STOX2: variants seen among roughly 807,000 people sequenced by gnomAD.
The protein encoded by STOX2 is storkhead box 2, also known as storkhead-box protein 2.
STOX2 carries 28 observed loss-of-function variants against 60.9 expected under a neutral mutation model. The observed-to-expected ratio is 0.46, with a 90% CI of 0.34 to 0.63. The LOEUF is 0.63. Ranked by LOEUF, STOX2 falls within the 30% of genes least tolerant of loss-of-function variation. The pLI is 0.01. For synonymous variants in STOX2, 472 were observed against 463.9 expected (o/e 1.02, Z -0.22); for missense variants, 1,024 against 1,187.7 (o/e 0.86, Z 2.03).
chr4:183,922,418 C>A (rs2111103380), intron 1 of STOX2, among the ~76,000 whole-genome samples: 1 of 150,704 alleles, frequency 6.6e-6, no homozygotes, highest in South Asian at 2.1e-4. Flanking sequence ...GTGATCTTGG[C>A]TCACTGCAAC....
At chr4:183,975,532 C>A (rs536702764) in intron 1 of STOX2, among the ~76,000 whole-genome samples, 1 of 152,102 alleles carries the variant, frequency 6.6e-6, no homozygotes, top group East Asian at 1.9e-4. Flanking sequence ...TAAGCAAACA[C>A]CATCAAGAGC....
At chr4:183,993,136 G>T (rs1319972996) in intron 1 of STOX2, among the ~76,000 whole-genome samples, 1 of 152,188 alleles carries the variant, frequency 6.6e-6, no homozygotes, top group African/African-American at 2.4e-5. Flanking sequence ...CACGAGGATG[G>T]CCCCTTTCTG....
chr4:183,843,158 A>AAAAAAAAAAAAAG (rs1553967453), intron 1 of STOX2, among the ~76,000 whole-genome samples: 1 of 150,600 alleles, frequency 6.6e-6, no homozygotes, highest in African/African-American at 2.5e-5. Flanking sequence ...AAAAAAAAAA[A>AAAAAAAAAAAAAG]AAAAAGAAAA....
rs1462827892 is a variant in STOX2 at position 184,021,132 on chromosome 4, T to G, written c.*3848T>G. The G allele has an allele frequency of 6.6e-6, 1 of 152,238 alleles. No individual in the cohort carries two copies. Among genetic ancestry groups the G allele is most frequent in the African/African-American group, 2.4e-5 (1 of 41,468 alleles). 9.4% of individuals were successfully genotyped at this position (152,238 alleles called of 1,614,324 possible). A position where few individuals can be genotyped will look rare whatever the true frequency, so the allele number is the denominator to read the frequency against. ...TATAACATGGGCAGTATTTGGAGCT[T>G]CATTTAAAAACCAACAACAACCGAT... On this transcript the variant is annotated 3_prime_UTR_variant, in exon 4 of 4. Transcript: ENST00000308497.
intron 1 of STOX2, among the ~76,000 whole-genome samples, chr4:183,824,508 G>T (rs73010530): frequency 0.027 from 4,052 of 152,136 alleles, 149 homozygotes; most frequent in African/African-American, 0.094. Flanking sequence ...CAGCCACAAA[G>T]ATATTATTGT....
At chr4:183,989,012 T>C (rs1732971128) in intron 1 of STOX2, among the ~76,000 whole-genome samples, 1 of 152,130 alleles carries the variant, frequency 6.6e-6, no homozygotes, top group African/African-American at 2.4e-5. Flanking sequence ...CCAGCCCAGG[T>C]CATCCCAGAG....
At chr4:183,930,515 T>G (rs1251133556) in intron 1 of STOX2, among the ~76,000 whole-genome samples, 1 of 150,330 alleles carries the variant, frequency 6.7e-6, no homozygotes, top group Non-Finnish European at 1.5e-5. Flanking sequence ...TTTTTTTGTT[T>G]TTTGTTTTTT....
intron 1 of STOX2, among the ~76,000 whole-genome samples, chr4:183,840,782 A>C (rs1739838428): frequency 6.6e-6 from 1 of 152,192 alleles, no homozygotes; most frequent in Non-Finnish European, 1.5e-5. Flanking sequence ...TTTTTGTCTG[A>C]CTACAAAAAA....
chr4:183,956,406 A>ATCTG (rs1395287387), intron 1 of STOX2, among the ~76,000 whole-genome samples: 48 of 139,040 alleles, frequency 3.5e-4, no homozygotes, highest in Non-Finnish European at 6.6e-4. Flanking sequence ...CTATCTATCT[A>ATCTG]TCACCTATCT....
Position 184,020,157 on chromosome 4 carries a change from A to G in STOX2, c.*2873A>G, listed in dbSNP as rs1488300571. ...TGTGTTAAAGTGTATCGTTCAGAAG[A>G]GCAAAGTTGAACACTTCCTTCAACA... On this transcript the variant is annotated 3_prime_UTR_variant, in exon 4 of 4. Coordinates refer to ENST00000308497, the MANE Select transcript of STOX2 (RefSeq NM_020225.3). 1 of 152,170 alleles carries G rather than the reference A, an allele frequency of 6.6e-6. No individual in the cohort carries two copies. The highest frequency in any genetic ancestry group is 1.5e-5 in the Non-Finnish European group (1 of 68,042). 9.4% of individuals were successfully genotyped at this position (152,170 alleles called of 1,614,324 possible).
At chr4:183,910,186 A>G (rs1741738455) in intron 1 of STOX2, among the ~76,000 whole-genome samples, 1 of 152,204 alleles carries the variant, frequency 6.6e-6, no homozygotes, top group Non-Finnish European at 1.5e-5. Context: ...ATGAATAATA[A>G]AAAGTGCATG....
At chr4:183,855,079 T>A (rs1740255747) in intron 1 of STOX2, among the ~76,000 whole-genome samples, 1 of 152,142 alleles carries the variant, frequency 6.6e-6, no homozygotes, top group Admixed American at 6.5e-5. Context: ...CACAGAGTGA[T>A]GTAATAGAGT....
intron 1 of STOX2, among the ~76,000 whole-genome samples, chr4:183,923,765 A>G (rs968559421): frequency 6.6e-6 from 1 of 152,168 alleles, no homozygotes; most frequent in Non-Finnish European, 1.5e-5. Flanking sequence ...GGTGAGCTGC[A>G]GAAAGTGAGG....
At chr4:183,872,222 T>C (rs754160294) in intron 1 of STOX2, among the ~76,000 whole-genome samples, 17 of 152,176 alleles carry the variant, frequency 1.1e-4, no homozygotes, top group Non-Finnish European at 2.4e-4. Flanking sequence ...GCTCAGGTAA[T>C]TTTTGTAGTT....
chr4:183,946,094 C>G (rs1057226289), intron 1 of STOX2, among the ~76,000 whole-genome samples: 1 of 152,118 alleles, frequency 6.6e-6, no homozygotes, highest in South Asian at 2.1e-4. Context: ...AGGTCTTGTT[C>G]TAAAACAAAT....
rs375183477 is a variant in STOX2, at chr4:184,017,169, A to G, written c.2666A>G (p.His889Arg). The G allele has an allele frequency of 3.1e-6, 5 of 1,613,262 alleles. No homozygotes were observed. The highest frequency in any genetic ancestry group is 1.7e-5 in the Admixed American group (1 of 59,988). The change falls in exon 4 of 4, where the codon CAT becomes CGT. Residue 889 changes from histidine to arginine, a missense_variant. This residue lies in a region of STOX2 where 922 missense variants were observed against 1,058.3 expected (regional missense o/e 0.87). Transcript: ENST00000308497. ...CAGAACCCCGCTTTGAGCCCGGCCC[A>G]TGGTGGAGCTGGTCCAGCCTTCAAC... ...RRQNPALSPA[H>R]GGAGPAFNFR...
chr4:184,017,358 CT>C lies in STOX2; in HGVS notation c.*77del. The C allele has an allele frequency of 7.4e-7, 1 of 1,355,748 alleles. No individual in the cohort carries two copies. Among genetic ancestry groups the C allele is most frequent in the South Asian group, 1.5e-5 (1 of 65,656 alleles). 84.0% of individuals were successfully genotyped at this position (1,355,748 alleles called of 1,614,324 possible). On this transcript the variant is annotated 3_prime_UTR_variant, in exon 4 of 4. Coordinates refer to ENST00000308497, the MANE Select transcript of STOX2 (RefSeq NM_020225.3). ...ACGACACTGGGACTGATGTTTACAT[CT>C]TTGGAAAGACAAGCATCTCAACCAC...
At position 183,865,513 on chromosome 4, in the gene STOX2, A is replaced by G. The variant is rs893820964; in HGVS notation, c.364+67458A>G. Among the ~76,000 whole-genome samples, 1 of 152,256 alleles carries G rather than the reference A, an allele frequency of 6.6e-6. No homozygotes were observed. The highest frequency in any genetic ancestry group is 1.5e-5 in the Non-Finnish European group (1 of 68,048). On this transcript the variant is annotated intron_variant, in intron 1 of 2. Transcript: ENST00000513034. The surrounding 1 kb of genome is among the most constrained non-coding windows in gnomAD (Gnocchi z 4.1). ...CGGTCTGTTTGGGGAGATAAGTATT[A>G]TAATACAATTTAATAAAAGACCTTG... is the stretch of plus-strand genomic sequence containing the variant.
chr4:183,865,568 C>T lies in STOX2; in HGVS notation c.364+67513C>T, dbSNP rs1430888845. Among the ~76,000 whole-genome samples the T allele has an allele frequency of 1.3e-5, 2 of 152,046 alleles. No individual in the cohort carries two copies. The highest frequency in any genetic ancestry group is 1.3e-4 in the Admixed American group (2 of 15,270). On this transcript the variant is annotated intron_variant, in intron 1 of 2. Coordinates refer to the STOX2 transcript ENST00000513034. This position sits in a 1 kb window ranked among gnomAD's most constrained non-coding sequence, Gnocchi z 4.1. ...TAGTATCAAAAAGCATTATAGGATA[C>T]AGGAATGAGGATGGCTAATTTCAGG...
Sources: allele counts gnomAD v4.1 joint callset (sites outside exome capture counted in the v4.1 genomes callset), GRCh38; gene constraint gnomAD v4.1.1; regional missense constraint gnomAD v4.1.1; non-coding constraint Gnocchi (gnomAD v3.1); transcripts MANE v1.5; gene names NCBI Gene and HGNC (gene_info 2026-07-23, HGNC 2026-07-21).